Variants in NCOR2 observed in about 807,000 individuals in gnomAD.
The protein encoded by NCOR2 is nuclear receptor corepressor 2.
NCOR2 carries 81 observed loss-of-function variants against 262.9 expected under a neutral mutation model. The ratio of observed to expected loss-of-function variants is 0.31; its 90% CI spans 0.26 to 0.37. The LOEUF is 0.37. Among genes scored for constraint, NCOR2 ranks in the 10% least tolerant of loss-of-function variants. The pLI is 1.00. For missense variants in NCOR2, 3,385 were observed against 3,621.4 expected (o/e 0.93, Z 1.68); for synonymous variants, 1,659 against 1,559.3 (o/e 1.06, Z -1.51).
Position 124,333,297 on chromosome 12 carries a change from C to T in NCOR2, c.6606-18G>A, listed in dbSNP as rs759882093. The T allele has an allele frequency of 6.4e-5, 101 of 1,583,296 alleles. No homozygotes were observed. The highest frequency in any genetic ancestry group is 1.7e-4 in the Middle Eastern group (1 of 5,944). On this transcript the variant is annotated intron_variant, in intron 41 of 46. Transcript: ENST00000405201. ...CTGGAGACCTGGATGGAGAAAGGGC[C>T]CCAGATGTGGTCAGAGGTCTCCCTA... is the stretch of plus-strand genomic sequence containing the variant.
At chr12:124,371,170 C>T (rs1394937565) in intron 20 of NCOR2, among the ~76,000 whole-genome samples, 2 of 152,008 alleles carry the variant, frequency 1.3e-5, no homozygotes, top group Admixed American at 1.3e-4. Context: ...GCAGCCCCCA[C>T]CTGCCAGGGC....
intron 1 of NCOR2, among the ~76,000 whole-genome samples, chr12:124,519,986 A>C (rs1166511561): frequency 6.6e-6 from 1 of 152,222 alleles, no homozygotes; most frequent in African/African-American, 2.4e-5. Flanking sequence ...ACAAGGAGTC[A>C]CAGGAGGGTT....
chr12:124,372,121 G>A (rs775999959), exon 20 of NCOR2: 2 of 1,601,526 alleles, frequency 1.2e-6, no homozygotes, highest in Admixed American at 1.7e-5. Flanking sequence ...GGCTGTGGTG[G>A]CCCTGCCGCT....
At chr12:124,420,613 T>C (rs554352053) in intron 12 of NCOR2, among the ~76,000 whole-genome samples, 1 of 152,352 alleles carries the variant, frequency 6.6e-6, no homozygotes, top group Non-Finnish European at 1.5e-5. Context: ...TTCTCTGCCT[T>C]GGTCTTTTCC....
At chr12:124,554,380 C>T (rs837490) in intron 1 of NCOR2, among the ~76,000 whole-genome samples, 21,580 of 151,964 alleles carry the variant, frequency 0.14, 1,821 homozygotes, top group Non-Finnish European at 0.18. Context: ...GGCCCTCCAG[C>T]CTCCCACCAC....
At chr12:124,334,003 CGCATGTGTGTGGGTGT>C (rs1241530449) in intron 41 of NCOR2, among the ~76,000 whole-genome samples, 7 of 151,600 alleles carry the variant, frequency 4.6e-5, no homozygotes, top group Admixed American at 2.0e-4. Flanking sequence ...TGTGTGTGTG[CGCATGTGTGTGGGTGT>C]GCATGTGTGG....
upstream of NCOR2, among the ~76,000 whole-genome samples, chr12:124,495,705 C>T (rs2048343766): frequency 6.6e-6 from 1 of 152,206 alleles, no homozygotes; most frequent in South Asian, 2.1e-4. This position sits in a 1 kb window ranked among gnomAD's most constrained non-coding sequence, Gnocchi z 4.4. Context: ...AACTTCACTC[C>T]ATGGCCCCCG....
At chr12:124,376,500 C>T (rs2040010957) in intron 18 of NCOR2, among the ~76,000 whole-genome samples, 1 of 152,212 alleles carries the variant, frequency 6.6e-6, no homozygotes, top group Non-Finnish European at 1.5e-5. Flanking sequence ...AATGGGACGA[C>T]CCAAGGGACT....
exon 34 of NCOR2, chr12:124,341,978 G>A (rs763755520): frequency 3.1e-6 from 5 of 1,613,352 alleles, no homozygotes; most frequent in South Asian, 1.1e-5. Flanking sequence ...GTTCTCCAGC[G>A]CCGCCGTGTC....
chr12:124,417,701 T>C (rs1164815964), intron 13 of NCOR2, among the ~76,000 whole-genome samples: 1 of 152,184 alleles, frequency 6.6e-6, no homozygotes, highest in Non-Finnish European at 1.5e-5. Flanking sequence ...ATCTATATAC[T>C]CCCTGACTGG....
chr12:124,335,565 C>T (rs1306577431), exon 39 of NCOR2: 1 of 1,609,582 alleles, frequency 6.2e-7, no homozygotes, highest in Non-Finnish European at 8.5e-7. Context: ...TGTCGTGGGT[C>T]AGACTGGGTG....
chr12:124,422,689 C>A, intron 11 of NCOR2, 134 bp from the exon 14 acceptor site: 1 of 963,566 alleles, frequency 1.0e-6, no homozygotes, highest in South Asian at 1.4e-5. Flanking sequence ...AGCAATTAAG[C>A]CCAGGGGGGT....
At chr12:124,353,361 T>C (rs1224878660) in intron 27 of NCOR2, among the ~76,000 whole-genome samples, 5 of 152,238 alleles carry the variant, frequency 3.3e-5, no homozygotes, top group Non-Finnish European at 5.9e-5. Context: ...ACAGCTGCCT[T>C]TGAAAGCTCA....
chr12:124,352,308 C>T (rs554745454), intron 27 of NCOR2, among the ~76,000 whole-genome samples: 5 of 152,144 alleles, frequency 3.3e-5, no homozygotes, highest in Non-Finnish European at 7.3e-5. Flanking sequence ...CTGCAGAAAT[C>T]AGTGGCTTAC....
chr12:124,515,408 G>T (rs1253787881), intron 1 of NCOR2, among the ~76,000 whole-genome samples: 1 of 150,624 alleles, frequency 6.6e-6, no homozygotes, highest in African/African-American at 2.4e-5. Context: ...AAGATCCCAG[G>T]ATCCTGTGTG....
intron 13 of NCOR2, among the ~76,000 whole-genome samples, chr12:124,413,520 C>CT (rs2136254099): frequency 6.6e-6 from 1 of 152,282 alleles, no homozygotes; most frequent in East Asian, 1.9e-4. Flanking sequence ...AGGAAGGCCC[C>CT]TGCGAGCGGC....
At chr12:124,439,915 T>C (rs889170067) in intron 7 of NCOR2, among the ~76,000 whole-genome samples, 1 of 150,888 alleles carries the variant, frequency 6.6e-6, no homozygotes, top group Non-Finnish European at 1.5e-5. Context: ...CCCTGGAGAG[T>C]AGAGGCGGGA....
chr12:124,519,422 C>CA (rs2050049303), intron 1 of NCOR2, among the ~76,000 whole-genome samples: 1 of 152,176 alleles, frequency 6.6e-6, no homozygotes, highest in South Asian at 2.1e-4. Flanking sequence ...CAGCAGCCCA[C>CA]ATGATGACAA....
rs2050791874 is a variant in NCOR2, at chr12:124,531,763, A to C, written c.-118+3802T>G. ...GAGATCCCACCGGGCCAGGGCCCTA[A>C]AACCTCCCCCTACACACCTTCGGTG... On this transcript the variant is annotated intron_variant, in intron 1 of 46. Coordinates refer to the NCOR2 transcript ENST00000404621. This position sits in a 1 kb window ranked among gnomAD's most constrained non-coding sequence, Gnocchi z 4.5. Among the ~76,000 whole-genome samples, 1 of 150,604 alleles carries C rather than the reference A, an allele frequency of 6.6e-6. No homozygotes were observed. The highest frequency in any genetic ancestry group is 2.4e-5 in the African/African-American group (1 of 40,840).
Sources: allele counts gnomAD v4.1 joint callset (sites outside exome capture counted in the v4.1 genomes callset), GRCh38; gene constraint gnomAD v4.1.1; non-coding constraint Gnocchi (gnomAD v3.1); transcripts MANE v1.5; gene names NCBI Gene and HGNC (gene_info 2026-07-23, HGNC 2026-07-21).